HS6ST3: variants seen among roughly 807,000 people sequenced by gnomAD.
HS6ST3 encodes heparan sulfate 6-O-sulfotransferase 3.
In HS6ST3, 12 loss-of-function variants were observed where a neutral mutation model predicts 36.7. The observed-to-expected ratio is 0.33, with a 90% CI of 0.21 to 0.53. The LOEUF (loss-of-function observed/expected upper bound fraction) is 0.53, where lower values mean the gene tolerates loss of function less well. Among genes scored for constraint, HS6ST3 ranks in the 20% least tolerant of loss-of-function variants. The probability of loss-of-function intolerance (pLI) is 0.95; values close to 1 mark genes in which losing one functional copy is unlikely to be tolerated. For missense variants in HS6ST3, 584 were observed against 640.9 expected, an observed-to-expected ratio of 0.91 and a Z score of 0.96; for synonymous variants, 240 against 257.5, an observed-to-expected ratio of 0.93 and a Z score of 0.65.
At chr13:96,221,954 A>C (rs955016061) in intron 1 of HS6ST3, among the ~76,000 whole-genome samples, 1 of 152,224 alleles carries the variant, frequency 6.6e-6, no homozygotes, top group Admixed American at 6.5e-5. Context: ...ATGTTCTTTT[A>C]AGATGGTGAA....
At chr13:96,119,946 A>G (rs866233436) in intron 1 of HS6ST3, among the ~76,000 whole-genome samples, 2 of 151,956 alleles carry the variant, frequency 1.3e-5, no homozygotes, top group Non-Finnish European at 2.9e-5. Flanking sequence ...CCCCTCTTCC[A>G]GAAAATCAGT....
intron 1 of HS6ST3, among the ~76,000 whole-genome samples, chr13:96,832,259 C>T (rs1878816509): frequency 6.6e-6 from 1 of 152,102 alleles, no homozygotes; most frequent in South Asian, 2.1e-4. Context: ...CCATGCTTCC[C>T]CACACTGGAG....
At chr13:96,542,875 G>A (rs2056183670) in intron 1 of HS6ST3, among the ~76,000 whole-genome samples, 1 of 152,166 alleles carries the variant, frequency 6.6e-6, no homozygotes, top group Non-Finnish European at 1.5e-5. Flanking sequence ...GTAGCCAAAT[G>A]TGGTAACTGA....
chr13:96,097,793 T>C lies in HS6ST3; in HGVS notation c.707+6224T>C, dbSNP rs530458149. On this transcript the variant is annotated intron_variant, in intron 1 of 1. Coordinates refer to ENST00000376705, the MANE Select transcript of HS6ST3 (RefSeq NM_153456.4). ...ATCTTCCTCTGGCAAATACAGTTGC[T>C]CAGTTGCTCAGTAAGACACATATAA... Among the ~76,000 whole-genome samples, 12 of 152,350 alleles carry C rather than the reference T, an allele frequency of 7.9e-5. No homozygotes were observed. The South Asian group carries it at 2.3e-3, about 29-fold the overall frequency.
intron 1 of HS6ST3, among the ~76,000 whole-genome samples, chr13:96,688,186 T>C (rs1874839996): frequency 6.9e-6 from 1 of 145,294 alleles, no homozygotes; most frequent in Non-Finnish European, 1.5e-5. Flanking sequence ...ACCTGGACAT[T>C]GTGCACATGT....
chr13:96,624,135 G>A (rs118162571), intron 1 of HS6ST3, among the ~76,000 whole-genome samples: 1,555 of 152,224 alleles, frequency 0.01, 11 homozygotes, highest in Non-Finnish European at 0.016. Flanking sequence ...GTGTTTATGT[G>A]TGCATATATA....
At chr13:96,599,169 G>T (rs550571797) in intron 1 of HS6ST3, among the ~76,000 whole-genome samples, 106 of 151,956 alleles carry the variant, frequency 7.0e-4, no homozygotes, top group African/African-American at 2.3e-3. Context: ...TCTGGGTTAG[G>T]CATCACGGTG....
chr13:96,560,009 G>T (rs979323897), intron 1 of HS6ST3, among the ~76,000 whole-genome samples: 2 of 152,006 alleles, frequency 1.3e-5, no homozygotes, highest in Non-Finnish European at 2.9e-5. Flanking sequence ...TGTATTTATG[G>T]CTCCTTTGTG....
At chr13:96,351,845 T>C (rs2055185689) in intron 1 of HS6ST3, among the ~76,000 whole-genome samples, 1 of 152,218 alleles carries the variant, frequency 6.6e-6, no homozygotes, top group Non-Finnish European at 1.5e-5. Context: ...ACAATCAGTG[T>C]AGCTTCTAGC....
At chr13:96,362,075 G>A (rs11619872) in intron 1 of HS6ST3, among the ~76,000 whole-genome samples, 2,253 of 152,160 alleles carry the variant, frequency 0.015, 26 homozygotes, top group East Asian at 0.056. Flanking sequence ...ATAGGTGAGC[G>A]GAAGTTGCAA....
At chr13:96,172,305 T>C (rs540647413) in intron 1 of HS6ST3, among the ~76,000 whole-genome samples, 1 of 152,304 alleles carries the variant, frequency 6.6e-6, no homozygotes, top group East Asian at 1.9e-4. Context: ...GGGTATATCA[T>C]GCAGTCCAGT....
chr13:96,685,710 A>C (rs1158337272), intron 1 of HS6ST3, among the ~76,000 whole-genome samples: 1 of 152,060 alleles, frequency 6.6e-6, no homozygotes, highest in African/African-American at 2.4e-5. Context: ...TCAAGGAGAT[A>C]AAATATATTC....
At chr13:96,497,528 C>G (rs1248318660) in intron 1 of HS6ST3, among the ~76,000 whole-genome samples, 1 of 152,216 alleles carries the variant, frequency 6.6e-6, no homozygotes, top group African/African-American at 2.4e-5. Flanking sequence ...AGCCACCTTT[C>G]ATGGAGTAGA....
intron 1 of HS6ST3, among the ~76,000 whole-genome samples, chr13:96,341,998 T>C (rs16953106): frequency 0.014 from 2,179 of 152,272 alleles, 26 homozygotes; most frequent in East Asian, 0.054. Context: ...AGGTCCCAGA[T>C]GAATGTCCTG....
intron 1 of HS6ST3, among the ~76,000 whole-genome samples, chr13:96,828,060 T>G (rs373201523): frequency 7.2e-5 from 11 of 152,308 alleles, no homozygotes; most frequent in East Asian, 5.8e-4. Flanking sequence ...CCTGCTGACC[T>G]TTTGGGAAAT....
At chr13:96,477,378 A>T (rs1179392578) in intron 1 of HS6ST3, among the ~76,000 whole-genome samples, 3 of 151,592 alleles carry the variant, frequency 2.0e-5, no homozygotes, top group Non-Finnish European at 4.4e-5. Context: ...ATATTCTTCA[A>T]TAGGTGACAA....
intron 1 of HS6ST3, among the ~76,000 whole-genome samples, chr13:96,238,832 G>A (rs1295236844): frequency 6.6e-6 from 1 of 152,200 alleles, no homozygotes; most frequent in Non-Finnish European, 1.5e-5. Flanking sequence ...TATTTGCCAA[G>A]TGTTTATTCT....
At chr13:96,383,170 G>A (rs2055350061) in intron 1 of HS6ST3, among the ~76,000 whole-genome samples, 1 of 151,508 alleles carries the variant, frequency 6.6e-6, no homozygotes, top group South Asian at 2.1e-4. Context: ...GTGGGAGAGA[G>A]GCTGGGCATG....
At chr13:96,306,849 A>G (rs1294015815) in intron 1 of HS6ST3, among the ~76,000 whole-genome samples, 2 of 152,242 alleles carry the variant, frequency 1.3e-5, no homozygotes, top group Non-Finnish European at 1.5e-5. Context: ...AGATGATAAG[A>G]AAGCTGGACT....
Sources: allele counts gnomAD v4.1 joint callset (sites outside exome capture counted in the v4.1 genomes callset), GRCh38; gene constraint gnomAD v4.1.1; transcripts MANE v1.5; gene names NCBI Gene and HGNC (gene_info 2026-07-23, HGNC 2026-07-21).